Variants in GSAP observed in about 807,000 individuals in gnomAD.
GSAP encodes gamma-secretase activating protein.
Under a neutral mutation model 131.7 loss-of-function variants are expected in GSAP, and 118 were observed. The ratio of observed to expected loss-of-function variants is 0.90; its 90% CI spans 0.77 to 1.04. GSAP has a LOEUF of 1.04. Ranked by LOEUF, GSAP falls within the 50% of genes least tolerant of loss-of-function variation. GSAP has a pLI of 0.00. For missense variants in GSAP, 1,019 were observed against 1,013.2 expected (o/e 1.01, Z -0.08); for synonymous variants, 381 against 363.4 (o/e 1.05, Z -0.55).
chr7:77,355,699 T>A, intron 14 of GSAP, 52 bp from the exon 15 acceptor site: 1 of 1,007,220 alleles, frequency 9.9e-7, no homozygotes, highest in Non-Finnish European at 1.6e-6. Flanking sequence ...GCTGCACAGG[T>A]ACAGAATGTC....
intron 9 of GSAP, 81 bp downstream of exon 9, chr7:77,377,205 A>G: frequency 7.7e-7 from 1 of 1,291,626 alleles, no homozygotes; most frequent in Non-Finnish European, 1.0e-6. Flanking sequence ...CAAGAGAGCA[A>G]GACCCTGTCT....
chr7:77,406,702 G>A (rs1279750567), intron 1 of GSAP, among the ~76,000 whole-genome samples: 1 of 152,208 alleles, frequency 6.6e-6, no homozygotes, highest in Admixed American at 6.5e-5. Flanking sequence ...CCCATGGAAT[G>A]GTGCCATTAG....
chr7:77,314,463 C>T lies in GSAP; in HGVS notation c.2116G>A (p.Gly706Arg), dbSNP rs914398524. 17 of 1,613,636 alleles carry T rather than the reference C, an allele frequency of 1.1e-5. No homozygotes were observed. The highest frequency in any genetic ancestry group is 1.6e-4 in the Middle Eastern group (1 of 6,078). Residue 706 changes from glycine to arginine, a missense_variant, in exon 27 of 31, where the codon GGG becomes AGG. Coordinates refer to ENST00000257626, the MANE Select transcript of GSAP (RefSeq NM_017439.4). ...PGFHTLHTIL[G>R]VQCLPLHNLL... is the part of the protein sequence containing the mutation. The stretch of plus-strand genomic sequence containing the variant: ...TTATGCAAAGGGAGACACTGGACCC[C>T]GAGGATGGTGTGCAGAGTATGAAAA...
chr7:77,311,678 T>C, intron 30 of GSAP, 163 bp downstream of exon 30: 1 of 590,812 alleles, frequency 1.7e-6, no homozygotes, highest in South Asian at 2.2e-5. Context: ...ATTTGGTAAT[T>C]TACTCTAGGT....
chr7:77,337,319 C>T (rs868685254), intron 19 of GSAP, among the ~76,000 whole-genome samples: 6 of 151,492 alleles, frequency 4.0e-5, no homozygotes, highest in East Asian at 3.9e-4. Context: ...GGGTTACAGG[C>T]GTGTACCACC....
At chr7:77,340,320 T>G (rs1272867613) in intron 19 of GSAP, among the ~76,000 whole-genome samples, 2 of 152,172 alleles carry the variant, frequency 1.3e-5, no homozygotes, top group African/African-American at 2.4e-5. Flanking sequence ...AAAGCTTTAT[T>G]GCTCACACAA....
chr7:77,347,130 C>T (rs1465486369), intron 19 of GSAP, among the ~76,000 whole-genome samples: 1 of 152,138 alleles, frequency 6.6e-6, no homozygotes, highest in Non-Finnish European at 1.5e-5. Flanking sequence ...GGCATGGAAG[C>T]TCCACGTCCC....
chr7:77,334,788 A>G (rs998966188), intron 19 of GSAP, among the ~76,000 whole-genome samples: 6 of 152,112 alleles, frequency 3.9e-5, no homozygotes, highest in African/African-American at 1.4e-4. Flanking sequence ...AAAATGCTGT[A>G]TAAGAAACAT....
At position 77,311,393 on chromosome 7, in the gene GSAP, C is replaced by A; in HGVS notation, c.2530G>T (p.Ala844Ser). 6.2e-7 allele frequency: 1 copy of A among 1,612,262 alleles called. No individual in the cohort carries two copies. The highest frequency in any genetic ancestry group is 8.5e-7 in the Non-Finnish European group (1 of 1,178,434). ...AAAAGCATCGCGGTGTGTTTCAGAG[C>A]TGCTTCCTCTACAAATTCTGCATCC... ...NVDAEFVEEAALKHTAMLLGL is the reference protein window; with the variant it reads ...NVDAEFVEEASLKHTAMLLGL The change falls in exon 31 of 31, where the codon GCT (alanine) becomes TCT (serine). Residue 844 changes from alanine (A) to serine (S), a missense_variant. Coordinates refer to ENST00000257626, the MANE Select transcript of GSAP (RefSeq NM_017439.4).
At chr7:77,338,754 C>G (rs1790434454) in intron 19 of GSAP, among the ~76,000 whole-genome samples, 1 of 152,174 alleles carries the variant, frequency 6.6e-6, no homozygotes, top group Non-Finnish European at 1.5e-5. Context: ...AAACCATCAC[C>G]TTGGGGGTCA....
intron 19 of GSAP, among the ~76,000 whole-genome samples, chr7:77,339,030 A>G (rs1018631452): frequency 4.0e-5 from 6 of 150,848 alleles, no homozygotes; most frequent in Non-Finnish European, 8.8e-5. Flanking sequence ...GTCCTCAAAG[A>G]AAAAATGTGG....
chr7:77,360,198 A>T (rs1794327675), intron 14 of GSAP, among the ~76,000 whole-genome samples: 3 of 152,220 alleles, frequency 2.0e-5, no homozygotes, highest in Admixed American at 2.0e-4. Flanking sequence ...CATGTTCCAT[A>T]TGTAAGCAAG....
At chr7:77,411,659 A>G (rs1803304443) in intron 1 of GSAP, among the ~76,000 whole-genome samples, 1 of 152,228 alleles carries the variant, frequency 6.6e-6, no homozygotes, top group African/African-American at 2.4e-5. Context: ...ATAGTTGGAA[A>G]GATCCAATAT....
intron 19 of GSAP, among the ~76,000 whole-genome samples, chr7:77,334,045 C>G (rs1433038181): frequency 6.6e-6 from 1 of 152,120 alleles, no homozygotes; most frequent in Non-Finnish European, 1.5e-5. Flanking sequence ...AAGTATTATA[C>G]CATTTGACCC....
chr7:77,329,001 C>A (rs983158617), intron 21 of GSAP, among the ~76,000 whole-genome samples: 2 of 148,792 alleles, frequency 1.3e-5, no homozygotes, highest in Admixed American at 6.7e-5. Context: ...GCTCACTAGC[C>A]CACTGACACT....
At chr7:77,409,784 A>G (rs1802952228) in intron 1 of GSAP, among the ~76,000 whole-genome samples, 1 of 152,228 alleles carries the variant, frequency 6.6e-6, no homozygotes, top group South Asian at 2.1e-4. Context: ...GCTAAATCCA[A>G]TTTACTTGCA....
At chr7:77,374,563 C>G (rs1796574255) in intron 11 of GSAP, among the ~76,000 whole-genome samples, 2 of 150,774 alleles carry the variant, frequency 1.3e-5, no homozygotes, top group African/African-American at 4.9e-5. Context: ...CTTATTTTTT[C>G]AGAAGCATCT....
At chr7:77,351,542 A>C in intron 18 of GSAP, 1 of 985,326 alleles carries the variant, frequency 1.0e-6, no homozygotes, top group Non-Finnish European at 1.2e-6. Context: ...AACCTAGTCC[A>C]ACCACAAGAA....
intron 1 of GSAP, chr7:77,415,506 C>T (rs1804198681): frequency 6.6e-6 from 1 of 152,326 alleles, no homozygotes; most frequent in Non-Finnish European, 1.5e-5. Context: ...CACTCCCTTA[C>T]CAAATCATCA....
Sources: gnomAD v4.1 joint callset for allele counts (sites outside exome capture counted in the v4.1 genomes callset) on GRCh38, gnomAD v4.1.1 for gene constraint, MANE v1.5 for transcripts, NCBI Gene and HGNC (gene_info 2026-07-23, HGNC 2026-07-21) for gene names.